Variants in TTLL7 observed in about 807,000 individuals in gnomAD.
TTLL7 encodes tubulin tyrosine ligase like 7, also known as tubulin polyglutamylase TTLL7.
In TTLL7, 53 loss-of-function variants were observed where a neutral mutation model predicts 120.2. The observed-to-expected ratio is 0.44, with a 90% CI of 0.35 to 0.55. The LOEUF (loss-of-function observed/expected upper bound fraction) is 0.55. TTLL7 is among the 20% of genes least tolerant of loss of function. The pLI, the probability that TTLL7 is intolerant of heterozygous loss-of-function variation, is 0.00. For missense variants in TTLL7, 803 were observed against 1,054.7 expected (o/e 0.76, Z 3.31); for synonymous variants, 353 against 351.7 (o/e 1.00, Z -0.04).
chr1:83,916,975 C>A (rs1333217091), intron 14 of TTLL7, among the ~76,000 whole-genome samples: 2 of 151,846 alleles, frequency 1.3e-5, no homozygotes, highest in African/African-American at 4.8e-5. Flanking sequence ...GTGGCATGTG[C>A]CTGTAATCCC....
In TTLL7 at chr1:83,867,783, C is replaced by T. The variant is rs918684215; in HGVS notation, c.*2179G>A. ...CATGAATTTAAAAGAAAAATGAACT[C>T]CATGAAAAGACTTATTACTTGTTGA... is the stretch of plus-strand genomic sequence containing the variant. On this transcript the variant is annotated 3_prime_UTR_variant, in exon 21 of 21. Coordinates refer to ENST00000260505, the MANE Select transcript of TTLL7 (RefSeq NM_024686.6). The T allele has an allele frequency of 2.6e-5, 4 of 151,780 alleles. No homozygotes were observed. The highest frequency in any genetic ancestry group is 5.9e-5 in the Non-Finnish European group (4 of 67,890). The allele number at this position is 151,780 out of a possible 1,614,324, so 9.4% of individuals were successfully genotyped here.
intron 6 of TTLL7, among the ~76,000 whole-genome samples, chr1:83,943,365 C>T (rs1216225054): frequency 6.6e-6 from 1 of 152,046 alleles, no homozygotes; most frequent in Non-Finnish European, 1.5e-5. Context: ...AAGAAAGACC[C>T]GAGAAGGCCC....
intron 18 of TTLL7, 144 bp downstream of exon 18, chr1:83,903,935 C>T: frequency 1.5e-6 from 1 of 676,776 alleles, no homozygotes; most frequent in Non-Finnish European, 2.6e-6. Flanking sequence ...GAGTGCCTGA[C>T]ACATAATAGA....
intron 20 of TTLL7, among the ~76,000 whole-genome samples, chr1:83,875,069 T>C (rs1424440018): frequency 2.0e-5 from 3 of 151,860 alleles, no homozygotes; most frequent in Non-Finnish European, 4.4e-5. Flanking sequence ...AATGTTCCAT[T>C]GAATGAGTAT....
intron 18 of TTLL7, among the ~76,000 whole-genome samples, chr1:83,896,737 C>A (rs925989995): frequency 1.3e-5 from 2 of 151,952 alleles, no homozygotes; most frequent in African/African-American, 2.4e-5. Context: ...CTCTTAGCAC[C>A]CTAAAATAAA....
rs180794112 is a variant in TTLL7, at chr1:83,899,911, C to A, written c.2208+4168G>T. On this transcript the variant is annotated intron_variant, in intron 18 of 20. Transcript: ENST00000260505. ...AGAGATTACATAAAAATAGTTCACA[C>A]CAAATATTCTTAGAATAAATCAGTA... Among the ~76,000 whole-genome samples, 4 of 152,016 alleles carry A rather than the reference C, an allele frequency of 2.6e-5. No homozygotes were observed. The East Asian group carries it at 7.8e-4, about 30-fold the overall frequency.
Position 83,947,627 on chromosome 1 carries a change from T to C in TTLL7, c.348-345A>G, listed in dbSNP as rs115100118. 2.5e-3 allele frequency: 466 copies of C among 183,058 alleles called. 2 individuals carry two copies. Among genetic ancestry groups the C allele is most frequent in the African/African-American group, 0.01 (430 of 41,886 alleles). The allele number at this position is 183,058 out of a possible 1,614,324, so 11.3% of individuals were successfully genotyped here. ...ATCATCTCTGCTCCCAAGGAATATA[T>C]ACATAGGCTATTAATATTAAACAGT... On this transcript the variant is annotated intron_variant, in intron 5 of 20. Coordinates refer to ENST00000260505, the MANE Select transcript of TTLL7 (RefSeq NM_024686.6).
intron 18 of TTLL7, chr1:83,902,374 T>A (rs1168874256): frequency 6.6e-6 from 1 of 151,960 alleles, no homozygotes; most frequent in Non-Finnish European, 1.5e-5. Context: ...GCTTTCCACT[T>A]TTCTTCTTCT....
At chr1:83,956,335 G>C (rs1363376144) in intron 1 of TTLL7, among the ~76,000 whole-genome samples, 1 of 151,130 alleles carries the variant, frequency 6.6e-6, no homozygotes, top group African/African-American at 2.4e-5. Context: ...ATGTTGACCA[G>C]GCTGGTCTCA....
chr1:83,904,865 T>C (rs930282650), intron 17 of TTLL7, among the ~76,000 whole-genome samples: 6 of 152,114 alleles, frequency 3.9e-5, no homozygotes, highest in African/African-American at 1.2e-4. Context: ...TCTTGTAATA[T>C]ATACTGTAGT....
Position 83,963,673 on chromosome 1 carries a change from T to TA in TTLL7, c.-176-11287dup, listed in dbSNP as rs1191040898. Among the ~76,000 whole-genome samples the TA allele has an allele frequency of 1.3e-5, 2 of 152,118 alleles. 1 individual carries two copies. Among genetic ancestry groups the TA allele is most frequent in the African/African-American group, 4.8e-5 (2 of 41,430 alleles). ...CAACTGGCTGCTAGGTAGCAGCTTTTAAAGTGTCTTTTAATTTACATATTC... is the reference window on the plus strand; with the variant it reads ...CAACTGGCTGCTAGGTAGCAGCTTTTAAAAGTGTCTTTTAATTTACATATTC... On this transcript the variant is annotated intron_variant, in intron 1 of 20. Transcript: ENST00000260505.
At chr1:83,985,668 A>C (rs1652376943) in intron 1 of TTLL7, among the ~76,000 whole-genome samples, 1 of 152,118 alleles carries the variant, frequency 6.6e-6, no homozygotes, top group African/African-American at 2.4e-5. Flanking sequence ...TGGGCAACAT[A>C]GCAAGGCCTG....
Position 83,892,657 on chromosome 1 carries a change from AATGAACATATATATGAACAT to A in TTLL7, c.2209-2196_2209-2177del, listed in dbSNP as rs1407519910. Among the ~76,000 whole-genome samples the A allele has an allele frequency of 5.1e-4, 60 of 117,520 alleles. 1 individual carries two copies. Among genetic ancestry groups the A allele is most frequent in the Non-Finnish European group, 8.9e-4 (44 of 49,618 alleles). 77.1% of individuals were successfully genotyped at this position (117,520 alleles called of 152,430 possible). A position where few individuals can be genotyped will look rare whatever the true frequency, so the allele number is the denominator to read the frequency against. ...GAATGAACATATATATGAACATATG[AATGAACATATATATGAACAT>A]ATGAACATATATATGAACATATATA... On this transcript the variant is annotated intron_variant, in intron 18 of 20. Transcript: ENST00000260505.
At chr1:83,883,207 C>T (rs1654668792) in intron 19 of TTLL7, 71 bp from the exon 20 acceptor site, 1 of 1,287,460 alleles carries the variant, frequency 7.8e-7, no homozygotes, top group East Asian at 2.4e-5. Context: ...TATCACTTCC[C>T]TAGCAACAAA....
chr1:83,947,459 C>G (rs774465661), intron 5 of TTLL7, 177 bp from the exon 6 acceptor site: 6 of 524,450 alleles, frequency 1.1e-5, no homozygotes, highest in Non-Finnish European at 1.9e-5. Flanking sequence ...GTGTTAGACA[C>G]TATTCTGGAC....
At chr1:83,881,156 A>G (rs1244002479) in intron 20 of TTLL7, among the ~76,000 whole-genome samples, 1 of 151,598 alleles carries the variant, frequency 6.6e-6, no homozygotes, top group Non-Finnish European at 1.5e-5. Context: ...AAACCTAGGC[A>G]ATACCATTCA....
rs922300981 is a variant in TTLL7, at chr1:83,867,708, G to A, written c.*2254C>T. 6.6e-6 allele frequency: 1 copy of A among 151,844 alleles called. No homozygotes were observed. The allele number at this position is 151,844 out of a possible 1,614,324, so 9.4% of individuals were successfully genotyped here. A position where few individuals can be genotyped will look rare whatever the true frequency, so the allele number is the denominator to read the frequency against. On this transcript the variant is annotated 3_prime_UTR_variant, in exon 21 of 21. Transcript: ENST00000260505. Reference sequence around the variant, plus strand: ...AATGCAAATGAGTGGCCGAGAAACTGGGCTGTTATCATATATCAGACACTT... The same window carrying A: ...AATGCAAATGAGTGGCCGAGAAACTAGGCTGTTATCATATATCAGACACTT...
chr1:83,883,347 TTGTC>T (rs1205348310), intron 19 of TTLL7, among the ~76,000 whole-genome samples: 1 of 152,004 alleles, frequency 6.6e-6, no homozygotes, highest in Non-Finnish European at 1.5e-5. Flanking sequence ...CATATACTAT[TTGTC>T]CGTGTGTGTG....
chr1:83,893,097 T>G (rs1345645713), intron 18 of TTLL7, among the ~76,000 whole-genome samples: 1 of 151,772 alleles, frequency 6.6e-6, no homozygotes, highest in African/African-American at 2.4e-5. Flanking sequence ...GGGAATCATT[T>G]GGTTATATAC....
Sources: allele counts gnomAD v4.1 joint callset (sites outside exome capture counted in the v4.1 genomes callset), GRCh38; gene constraint gnomAD v4.1.1; transcripts MANE v1.5; gene names NCBI Gene and HGNC (gene_info 2026-07-23, HGNC 2026-07-21).